ANKRD36: variants seen among roughly 807,000 people sequenced by gnomAD.
The protein encoded by ANKRD36 is ankyrin repeat domain 36, also known as ankyrin repeat domain-containing protein 36A.
In ANKRD36, 179 loss-of-function variants were observed where a neutral mutation model predicts 278.1. The ratio of observed to expected loss-of-function variants is 0.64; its 90% CI spans 0.57 to 0.73. The LOEUF (loss-of-function observed/expected upper bound fraction) is 0.73, where lower values mean the gene tolerates loss of function less well. ANKRD36 is among the 30% of genes least tolerant of loss of function. ANKRD36 has a pLI of 0.00. For missense variants in ANKRD36, 1,159 were observed against 1,956.7 expected (o/e 0.59, Z 7.69); for synonymous variants, 320 against 641.1 (o/e 0.50, Z 7.57).
At chr2:97,150,935 A>G (rs1221380014) in intron 12 of ANKRD36, among the ~76,000 whole-genome samples, 1 of 152,000 alleles carries the variant, frequency 6.6e-6, no homozygotes, top group Non-Finnish European at 1.5e-5. Flanking sequence ...TTTCAGATCA[A>G]TCATCATGGT....
At chr2:97,183,132 G>A (rs1177367476) in intron 26 of ANKRD36, among the ~76,000 whole-genome samples, 1 of 151,812 alleles carries the variant, frequency 6.6e-6, no homozygotes, top group Non-Finnish European at 1.5e-5. Context: ...ATTCCTGGGT[G>A]TATGAGTTGC....
At position 97,200,366 on chromosome 2, in the gene ANKRD36, A is replaced by G. The variant is rs1422561783; in HGVS notation, c.2784+4A>G. The G allele has an allele frequency of 1.9e-6, 3 of 1,605,930 alleles. No individual in the cohort carries two copies. The highest frequency in any genetic ancestry group is 4.5e-5 in the East Asian group (2 of 44,690). On this transcript the variant is annotated splice_donor_region_variant and intron_variant, in intron 45 of 75. Transcript: ENST00000420699. ...TCGGAAAAAACCATCCTTGGAGGTA[A>G]TGAAACTCTCATTCATATTGTGAGC...
intron 1 of ANKRD36, among the ~76,000 whole-genome samples, chr2:97,117,353 G>A (rs1177580527): frequency 1.3e-5 from 2 of 151,854 alleles, no homozygotes; most frequent in Non-Finnish European, 2.9e-5. Context: ...AATTATATGA[G>A]TAGAACTGCC....
chr2:97,141,472 T>C (rs2153448983), intron 6 of ANKRD36, among the ~76,000 whole-genome samples: 1 of 135,256 alleles, frequency 7.4e-6, no homozygotes, highest in South Asian at 2.6e-4. Context: ...TTTTAAATTA[T>C]GACTCTAAGT....
Position 97,204,107 on chromosome 2 carries a change from T to A in ANKRD36, c.2988+11T>A, listed in dbSNP as rs771460970. On this transcript the variant is annotated intron_variant, in intron 49 of 75. Coordinates refer to ENST00000420699, the MANE Select transcript of ANKRD36 (RefSeq NM_001354587.1). ...CCACCAGGCTTGAAGGTAATGAAAC[T>A]GTCGTTTATATTGTGAACTAGTAAA... is the stretch of plus-strand genomic sequence containing the variant. 1 of 1,575,614 alleles carries A rather than the reference T, an allele frequency of 6.3e-7. No individual in the cohort carries two copies. Among genetic ancestry groups the A allele is most frequent in the African/African-American group, 1.4e-5 (1 of 73,448 alleles).
At chr2:97,169,571 A>T (rs1156648945) in intron 22 of ANKRD36, among the ~76,000 whole-genome samples, 1 of 152,286 alleles carries the variant, frequency 6.6e-6, no homozygotes, top group Admixed American at 6.5e-5. Flanking sequence ...TCAGCTGATA[A>T]GCAACATCAG....
intron 42 of ANKRD36, among the ~76,000 whole-genome samples, 155 bp from the exon 43 acceptor site, chr2:97,198,308 C>CT (rs1405048981): frequency 6.6e-6 from 1 of 151,948 alleles, no homozygotes; most frequent in Non-Finnish European, 1.5e-5. Flanking sequence ...CAGCGTATTT[C>CT]TGTCACGTTC....
At chr2:97,206,688 G>A (rs554436856) in intron 52 of ANKRD36, among the ~76,000 whole-genome samples, 1 of 151,492 alleles carries the variant, frequency 6.6e-6, no homozygotes, top group African/African-American at 2.4e-5. Context: ...GATGCATTTG[G>A]AATATTTTAA....
intron 62 of ANKRD36, chr2:97,216,559 G>A (rs2065973945): frequency 1.2e-5 from 2 of 173,878 alleles, no homozygotes; most frequent in South Asian, 3.3e-4. Flanking sequence ...TAAACGAGTG[G>A]ATACAAGAAA....
rs776557317 is a variant in ANKRD36, at chr2:97,192,927, T to C, written c.2376+41T>C. 3.7e-6 allele frequency: 6 copies of C among 1,600,910 alleles called. No homozygotes were observed. The African/African-American group carries it at 4.0e-5, about 11-fold the overall frequency. ...TTTATATTGTGAATGAGTTAAGGTA[T>C]GGTCTATGAAACATACTTTATTAAT... On this transcript the variant is annotated intron_variant, in intron 37 of 75. Transcript: ENST00000420699.
chr2:97,206,241 C>T, intron 52 of ANKRD36, 106 bp downstream of exon 52: 1 of 1,243,560 alleles, frequency 8.0e-7, no homozygotes, highest in Non-Finnish European at 1.1e-6. Context: ...CTTTCTGATT[C>T]AGCAGGCCGG....
intron 32 of ANKRD36, 93 bp downstream of exon 32, chr2:97,187,494 G>GTC: frequency 2.1e-5 from 2 of 95,518 alleles, no homozygotes; most frequent in Non-Finnish European, 4.3e-5. Context: ...GGGTGGGGGG[G>GTC]CTCGCCGAAG....
intron 64 of ANKRD36, among the ~76,000 whole-genome samples, chr2:97,218,666 G>A (rs2066584721): frequency 6.6e-6 from 1 of 152,094 alleles, no homozygotes; most frequent in African/African-American, 2.4e-5. Context: ...AAAGCCTTCT[G>A]ATGTCTTGTA....
chr2:97,117,157 C>A (rs760712997), intron 1 of ANKRD36, among the ~76,000 whole-genome samples: 1 of 150,842 alleles, frequency 6.6e-6, no homozygotes, highest in Non-Finnish European at 1.5e-5. Context: ...TACTATTAAT[C>A]GTTGCAAATA....
At position 97,189,135 on chromosome 2, in the gene ANKRD36, C is replaced by T. The variant is rs764577206; in HGVS notation, c.2172+20C>T. On this transcript the variant is annotated intron_variant, in intron 33 of 75. Transcript: ENST00000420699. Reference sequence around the variant, plus strand: ...TTGAAGGTAATTAAACTCTCGTTTACATTGTGAACTAGTAATTCTATAGTC... The same window carrying T: ...TTGAAGGTAATTAAACTCTCGTTTATATTGTGAACTAGTAATTCTATAGTC... 1 of 757,538 alleles carries T rather than the reference C, an allele frequency of 1.3e-6. No homozygotes were observed. The highest frequency in any genetic ancestry group is 2.4e-5 in the East Asian group (1 of 40,950). The allele number at this position is 757,538 out of a possible 1,614,324, so 46.9% of individuals were successfully genotyped here. A position where few individuals can be genotyped will look rare whatever the true frequency, so the allele number is the denominator to read the frequency against.
chr2:97,222,132 A>T (rs1422857094), intron 66 of ANKRD36, among the ~76,000 whole-genome samples: 1 of 151,952 alleles, frequency 6.6e-6, no homozygotes, highest in African/African-American at 2.4e-5. Flanking sequence ...TGTTCCATTG[A>T]TCTATATTTC....
chr2:97,159,046 T>A (rs1321085447), intron 17 of ANKRD36, among the ~76,000 whole-genome samples: 1 of 151,866 alleles, frequency 6.6e-6, no homozygotes, highest in African/African-American at 2.4e-5. Context: ...AATACAGAGT[T>A]GAATAAGAGT....
chr2:97,147,137 G>C (rs1418070029), intron 11 of ANKRD36, among the ~76,000 whole-genome samples: 1 of 151,890 alleles, frequency 6.6e-6, no homozygotes, highest in East Asian at 2.0e-4. Flanking sequence ...TATAGACCAT[G>C]TTATGACAAC....
intron 26 of ANKRD36, 147 bp downstream of exon 26, chr2:97,181,940 G>C: frequency 8.1e-7 from 1 of 1,235,442 alleles, no homozygotes. Flanking sequence ...TGACACTGAT[G>C]CTGCTGGTCT....
Sources: allele counts gnomAD v4.1 joint callset (sites outside exome capture counted in the v4.1 genomes callset), GRCh38; gene constraint gnomAD v4.1.1; transcripts MANE v1.5; gene names NCBI Gene and HGNC (gene_info 2026-07-23, HGNC 2026-07-21).